PPP2R3A: variants seen among roughly 807,000 people sequenced by gnomAD.
PPP2R3A encodes the protein protein phosphatase 2 regulatory subunit B''alpha.
PPP2R3A carries 80 observed loss-of-function variants against 106.9 expected under a neutral mutation model. The observed-to-expected ratio is 0.75, with a 90% CI of 0.62 to 0.90. The LOEUF (loss-of-function observed/expected upper bound fraction) is 0.90. Ranked by LOEUF, PPP2R3A falls within the 40% of genes least tolerant of loss-of-function variation. PPP2R3A has a pLI of 0.00. For missense variants in PPP2R3A, 1,386 were observed against 1,350.4 expected (o/e 1.03, Z -0.41); for synonymous variants, 483 against 468.3 (o/e 1.03, Z -0.41).
intron 1 of PPP2R3A, among the ~76,000 whole-genome samples, chr3:135,971,909 G>A (rs1447140088): frequency 1.3e-5 from 2 of 152,116 alleles, no homozygotes; most frequent in African/African-American, 4.8e-5. Flanking sequence ...TAGCTGAGTG[G>A]GGAGAGGACT....
chr3:136,055,734 G>A (rs1935839538), intron 5 of PPP2R3A: 1 of 688,794 alleles, frequency 1.5e-6, no homozygotes. Context: ...CACTACTTGG[G>A]AAATCATCTT....
rs1937588483 is a variant in PPP2R3A at position 135,985,048 on chromosome 3, A to T, written c.-440-16011A>T. On this transcript the variant is annotated intron_variant, in intron 1 of 13. Coordinates refer to ENST00000264977, the MANE Select transcript of PPP2R3A (RefSeq NM_002718.5). ...TCTTCCACCATCTCCCTCCCGCAAC[A>T]TGTGGGAATTATGGGAGCTACAATA... is the stretch of plus-strand genomic sequence containing the variant. Among the ~76,000 whole-genome samples the T allele has an allele frequency of 2.0e-5, 3 of 152,228 alleles. No homozygotes were observed. In the South Asian group the frequency reaches 6.2e-4, roughly 32 times the overall value.
intron 8 of PPP2R3A, among the ~76,000 whole-genome samples, chr3:136,082,762 A>G (rs1405915528): frequency 6.6e-6 from 1 of 152,224 alleles, no homozygotes; most frequent in African/African-American, 2.4e-5. Context: ...ATACACCTTT[A>G]TAACCCTTCC....
chr3:136,000,245 G>GT (rs1221682348), intron 1 of PPP2R3A, among the ~76,000 whole-genome samples: 1 of 152,092 alleles, frequency 6.6e-6, no homozygotes, highest in East Asian at 1.9e-4. Flanking sequence ...TGTATGTTGG[G>GT]TTTTTTCCCC....
At position 136,041,250 on chromosome 3, in the gene PPP2R3A, G is replaced by GTTTTTTTTTT. The variant is rs1246326384; in HGVS notation, c.2366+290_2366+299dup. ...CTTGGTTTTTCTTGTTTTTTTTTTT[G>GTTTTTTTTTT]TTTTTTTTTTTGTTTTTTTTTTTTT... On this transcript the variant is annotated intron_variant, in intron 4 of 13. Transcript: ENST00000264977. Among the ~76,000 whole-genome samples the GTTTTTTTTTT allele has an allele frequency of 8.1e-4, 46 of 56,558 alleles. 8 individuals carry two copies. The highest frequency in any genetic ancestry group is 1.4e-3 in the African/African-American group (24 of 16,872). 37.1% of individuals were successfully genotyped at this position (56,558 alleles called of 152,430 possible).
chr3:136,063,167 G>T, intron 5 of PPP2R3A, among the ~76,000 whole-genome samples: 1 of 152,218 alleles, frequency 6.6e-6, no homozygotes, highest in Non-Finnish European at 1.5e-5. Flanking sequence ...ACAAGCAATG[G>T]GGAAAGGATT....
At chr3:136,114,228 C>T (rs768961391) in intron 13 of PPP2R3A, among the ~76,000 whole-genome samples, 4 of 152,184 alleles carry the variant, frequency 2.6e-5, no homozygotes, top group Non-Finnish European at 4.4e-5. Context: ...ATGGTACACT[C>T]CGGCCAGATA....
At chr3:136,127,076 C>A (rs1043686736) in intron 13 of PPP2R3A, among the ~76,000 whole-genome samples, 1 of 152,190 alleles carries the variant, frequency 6.6e-6, no homozygotes, top group Admixed American at 6.5e-5. Context: ...ATCAGAAAAG[C>A]TGAAAATTCT....
chr3:136,126,322 C>G (rs575901741), intron 13 of PPP2R3A, among the ~76,000 whole-genome samples: 1 of 152,228 alleles, frequency 6.6e-6, no homozygotes, highest in Non-Finnish European at 1.5e-5. Flanking sequence ...GATTCTCTCC[C>G]GTGCCTGGCT....
intron 6 of PPP2R3A, among the ~76,000 whole-genome samples, chr3:136,076,686 C>T (rs369796782): frequency 2.0e-5 from 3 of 152,144 alleles, no homozygotes; most frequent in Non-Finnish European, 2.9e-5. Flanking sequence ...CGGTGGCTCA[C>T]GCCTGTAATC....
chr3:136,047,639 C>T (rs1475652994), intron 4 of PPP2R3A, among the ~76,000 whole-genome samples: 2 of 152,146 alleles, frequency 1.3e-5, no homozygotes, highest in East Asian at 1.9e-4. Flanking sequence ...TGGTGGCTCA[C>T]GCCTGTAATC....
intron 4 of PPP2R3A, among the ~76,000 whole-genome samples, chr3:136,044,766 C>G (rs1340733486): frequency 6.6e-6 from 1 of 152,024 alleles, no homozygotes; most frequent in Non-Finnish European, 1.5e-5. Flanking sequence ...AGGGAGGAAA[C>G]TGAGAACCCT....
At chr3:135,974,412 C>T (rs1244544678) in intron 1 of PPP2R3A, among the ~76,000 whole-genome samples, 1 of 152,198 alleles carries the variant, frequency 6.6e-6, no homozygotes, top group East Asian at 1.9e-4. Context: ...GGCCTATTCC[C>T]AACTCAGCAG....
intron 2 of PPP2R3A, among the ~76,000 whole-genome samples, chr3:136,010,292 T>C (rs1259254551): frequency 7.0e-6 from 1 of 143,548 alleles, no homozygotes; most frequent in Non-Finnish European, 1.5e-5. Context: ...GGAGTCTCAC[T>C]CTATTGCCCA....
intron 3 of PPP2R3A, among the ~76,000 whole-genome samples, chr3:136,028,082 G>C (rs565133102): frequency 2.3e-4 from 35 of 152,116 alleles, no homozygotes; most frequent in African/African-American, 8.5e-4. Context: ...CTGTATAAGC[G>C]TGACCCTCTT....
chr3:136,132,021 G>T (rs1376892258), intron 13 of PPP2R3A, among the ~76,000 whole-genome samples: 1 of 151,326 alleles, frequency 6.6e-6, no homozygotes, highest in Non-Finnish European at 1.5e-5. Flanking sequence ...AGGGGGTGGG[G>T]GGGGCTGGGG....
intron 1 of PPP2R3A, among the ~76,000 whole-genome samples, chr3:135,982,294 G>A (rs566370649): frequency 2.7e-5 from 4 of 149,030 alleles, no homozygotes; most frequent in South Asian, 2.1e-4. Context: ...CTGGGTCATC[G>A]GGTTCTTTGT....
intron 5 of PPP2R3A, among the ~76,000 whole-genome samples, chr3:136,053,673 G>T (rs1935758576): frequency 6.6e-6 from 1 of 152,190 alleles, no homozygotes; most frequent in African/African-American, 2.4e-5. Context: ...TAATGTGACA[G>T]CCACAGATTA....
At chr3:135,971,037 A>C (rs1937233152) in intron 1 of PPP2R3A, among the ~76,000 whole-genome samples, 1 of 152,116 alleles carries the variant, frequency 6.6e-6, no homozygotes, top group Non-Finnish European at 1.5e-5. Context: ...AACAAAGACT[A>C]TATTGTTGGT....
Sources: gnomAD v4.1 joint callset for allele counts (sites outside exome capture counted in the v4.1 genomes callset) on GRCh38, gnomAD v4.1.1 for gene constraint, MANE v1.5 for transcripts, NCBI Gene and HGNC (gene_info 2026-07-23, HGNC 2026-07-21) for gene names.